Variants in PPP1R14C observed in about 807,000 individuals in gnomAD.
PPP1R14C encodes the protein protein phosphatase 1 regulatory inhibitor subunit 14C.
In PPP1R14C, 16 loss-of-function variants were observed where a neutral mutation model predicts 20.4. The ratio of observed to expected loss-of-function variants is 0.78; its 90% confidence interval spans 0.53 to 1.19. The LOEUF (loss-of-function observed/expected upper bound fraction) is 1.19. Among genes scored for constraint, PPP1R14C ranks in the 50% most tolerant of loss-of-function variants. PPP1R14C has a pLI of 0.00. For missense variants in PPP1R14C, 211 were observed against 220.1 expected (o/e 0.96, Z 0.26); for synonymous variants, 91 against 91.0 (o/e 1.00, Z 0.00).
At chr6:150,161,711 C>T (rs1377696582) in intron 1 of PPP1R14C, among the ~76,000 whole-genome samples, 3 of 152,204 alleles carry the variant, frequency 2.0e-5, no homozygotes, top group Non-Finnish European at 4.4e-5. Context: ...TATATGCACT[C>T]CTTTTACATT....
chr6:150,244,035 G>T (rs966512081), intron 3 of PPP1R14C, among the ~76,000 whole-genome samples: 1 of 152,184 alleles, frequency 6.6e-6, no homozygotes, highest in Non-Finnish European at 1.5e-5. Context: ...TTGCACAGAA[G>T]CATGAAGAAG....
At chr6:150,151,675 T>A (rs1322551416) in intron 1 of PPP1R14C, among the ~76,000 whole-genome samples, 1 of 152,238 alleles carries the variant, frequency 6.6e-6, no homozygotes, top group Non-Finnish European at 1.5e-5. Flanking sequence ...CCAACAACTT[T>A]ATGAAGGAGA....
intron 1 of PPP1R14C, among the ~76,000 whole-genome samples, chr6:150,151,994 C>G (rs1414646903): frequency 1.3e-5 from 2 of 151,444 alleles, no homozygotes; most frequent in Non-Finnish European, 3.0e-5. Context: ...GTGGCGGGCG[C>G]CTGTAGTCCC....
intron 1 of PPP1R14C, among the ~76,000 whole-genome samples, chr6:150,191,978 C>T (rs767127183): frequency 2.0e-5 from 3 of 152,090 alleles, no homozygotes; most frequent in Non-Finnish European, 2.9e-5. Flanking sequence ...GAGGCTGGAG[C>T]TTGCTGACTC....
chr6:150,152,752 C>T (rs756751563), intron 1 of PPP1R14C, among the ~76,000 whole-genome samples: 1 of 152,216 alleles, frequency 6.6e-6, no homozygotes, highest in South Asian at 2.1e-4. Context: ...CTCACTGCAG[C>T]CTCCTGAAGG....
chr6:150,211,447 T>C (rs1216372847), intron 1 of PPP1R14C, among the ~76,000 whole-genome samples: 1 of 152,196 alleles, frequency 6.6e-6, no homozygotes, highest in Non-Finnish European at 1.5e-5. Flanking sequence ...AGCCACTGTT[T>C]AGGGACACAC....
At chr6:150,240,639 A>G (rs961960142) in intron 3 of PPP1R14C, among the ~76,000 whole-genome samples, 32 of 152,200 alleles carry the variant, frequency 2.1e-4, no homozygotes, top group Admixed American at 3.3e-4. Context: ...TGTTTGCGGG[A>G]GAGGACCTAT....
At chr6:150,192,261 C>G (rs1316767458) in intron 1 of PPP1R14C, among the ~76,000 whole-genome samples, 1 of 152,108 alleles carries the variant, frequency 6.6e-6, no homozygotes, top group Non-Finnish European at 1.5e-5. Context: ...GAGCAGTGGT[C>G]CCCAACCTTT....
At chr6:150,230,908 G>A (rs1318012118) in intron 3 of PPP1R14C, among the ~76,000 whole-genome samples, 1 of 152,214 alleles carries the variant, frequency 6.6e-6, no homozygotes, top group Non-Finnish European at 1.5e-5. Flanking sequence ...TCATCAATGA[G>A]AGGAACAGAT....
intron 1 of PPP1R14C, among the ~76,000 whole-genome samples, chr6:150,157,846 A>T (rs1395469052): frequency 6.6e-6 from 1 of 152,204 alleles, no homozygotes; most frequent in Non-Finnish European, 1.5e-5. Context: ...AGTCTCTGTG[A>T]CCCAAGCTCT....
At position 150,178,999 on chromosome 6, in the gene PPP1R14C, G is replaced by A. The variant is rs188892168; in HGVS notation, c.306+35501G>A. On this transcript the variant is annotated intron_variant, in intron 1 of 3. Coordinates refer to ENST00000361131, the MANE Select transcript of PPP1R14C (RefSeq NM_030949.3). The stretch of plus-strand genomic sequence containing the variant: ...TCTCCCTGTCACTACGAATATGGAA[G>A]TGTTTTTCGAAGCCTGTTCTACTTC... 5.3e-4 allele frequency among the ~76,000 whole-genome samples: 81 copies of A among 152,320 alleles called. 1 individual carries two copies. In the Middle Eastern group the frequency reaches 0.037, roughly 70 times the overall value.
At chr6:150,148,387 CT>C (rs1777202549) in intron 1 of PPP1R14C, among the ~76,000 whole-genome samples, 1 of 152,218 alleles carries the variant, frequency 6.6e-6, no homozygotes, top group Admixed American at 6.5e-5. Context: ...CCTGTCCTGC[CT>C]CCTGAGACAG....
intron 3 of PPP1R14C, among the ~76,000 whole-genome samples, chr6:150,234,559 G>A (rs1778333761): frequency 6.6e-6 from 1 of 152,084 alleles, no homozygotes; most frequent in Non-Finnish European, 1.5e-5. Flanking sequence ...CAATATAAAG[G>A]ATCAAGCCAG....
intron 1 of PPP1R14C, among the ~76,000 whole-genome samples, chr6:150,150,983 C>T (rs1220459723): frequency 6.6e-6 from 1 of 152,064 alleles, no homozygotes; most frequent in Non-Finnish European, 1.5e-5. Flanking sequence ...GCCTGCTCTT[C>T]AGTGATGACA....
At chr6:150,223,981 G>A (rs924040836) in intron 3 of PPP1R14C, among the ~76,000 whole-genome samples, 41 of 152,128 alleles carry the variant, frequency 2.7e-4, no homozygotes, top group African/African-American at 9.9e-4. Flanking sequence ...TTATAGTTTT[G>A]CACTTTACAT....
intron 1 of PPP1R14C, among the ~76,000 whole-genome samples, chr6:150,205,638 CA>C: frequency 6.6e-6 from 1 of 151,840 alleles, no homozygotes; most frequent in African/African-American, 2.4e-5. Context: ...ACTGAAAATA[CA>C]AAAATTAGCT....
intron 1 of PPP1R14C, among the ~76,000 whole-genome samples, chr6:150,146,178 T>C (rs1777178201): frequency 6.6e-6 from 1 of 152,194 alleles, no homozygotes; most frequent in South Asian, 2.1e-4. Flanking sequence ...GAAGATGTTC[T>C]TTTTATCCTT....
intron 3 of PPP1R14C, among the ~76,000 whole-genome samples, chr6:150,228,697 G>A (rs1480152745): frequency 1.3e-5 from 2 of 152,082 alleles, no homozygotes; most frequent in Non-Finnish European, 2.9e-5. Context: ...CCAAGTATAC[G>A]AAGATGCTTT....
intron 1 of PPP1R14C, among the ~76,000 whole-genome samples, chr6:150,161,025 A>G (rs982717190): frequency 4.6e-5 from 7 of 152,150 alleles, no homozygotes; most frequent in Admixed American, 1.3e-4. Context: ...CATGCCTGTA[A>G]TCCCAGCACT....
Sources: gnomAD v4.1 joint callset for allele counts (sites outside exome capture counted in the v4.1 genomes callset) on GRCh38, gnomAD v4.1.1 for gene constraint, MANE v1.5 for transcripts, NCBI Gene and HGNC (gene_info 2026-07-23, HGNC 2026-07-21) for gene names.